Variants in CALU observed in about 807,000 individuals in gnomAD.
CALU encodes IEF SSP 9302.
In CALU, 13 loss-of-function variants were observed where a neutral mutation model predicts 37.5. The ratio of observed to expected loss-of-function variants is 0.35; its 90% confidence interval spans 0.23 to 0.55. The LOEUF (loss-of-function observed/expected upper bound fraction) is 0.55. CALU is among the 20% of genes least tolerant of loss of function. The pLI is 0.89. For missense variants in CALU, 282 were observed against 391.7 expected, an observed-to-expected ratio of 0.72 and a Z score of 2.36; for synonymous variants, 114 against 133.8, an observed-to-expected ratio of 0.85 and a Z score of 1.02.
chr7:128,773,095 G>A lies in CALU; in HGVS notation c.*3928G>A, dbSNP rs1453410563. ...CTTAGGGTTTGGTGTTTATTAGCTC[G>A]GATTTCAGATGGGATAGGAAATCCC... is the stretch of plus-strand genomic sequence containing the variant. On this transcript the variant is annotated 3_prime_UTR_variant, in exon 7 of 7. Transcript: ENST00000249364. 6.6e-6 allele frequency among the ~76,000 whole-genome samples: 1 copy of A among 152,124 alleles called. No homozygotes were observed. The highest frequency in any genetic ancestry group is 1.9e-4 in the East Asian group (1 of 5,186).
chr7:128,747,686 G>A (rs1429809828), intron 1 of CALU: 1 of 151,862 alleles, frequency 6.6e-6, no homozygotes, highest in Admixed American at 6.6e-5. Context: ...ATAGTATCAC[G>A]GGGTATCAGT....
chr7:128,758,483 A>G (rs1800978252), intron 3 of CALU, among the ~76,000 whole-genome samples: 1 of 152,254 alleles, frequency 6.6e-6, no homozygotes, highest in African/African-American at 2.4e-5. Context: ...CATTTTACAG[A>G]TAAAAGAGAC....
rs181426001 is a variant in CALU, at chr7:128,742,747, G to A, written c.-12+3315G>A. On this transcript the variant is annotated intron_variant, in intron 1 of 6. Transcript: ENST00000249364. ...ATGGATCGAAGAAACCAATTCTTAA[G>A]ACTCATTATTATTAAAATCACACTT... Among the ~76,000 whole-genome samples the A allele has an allele frequency of 3.5e-3, 540 of 152,270 alleles. 3 individuals carry two copies. The highest frequency in any genetic ancestry group is 6.8e-3 in the Middle Eastern group (2 of 294).
rs558488693 is a variant in CALU at position 128,768,925 on chromosome 7, G to A, written c.844-138G>A. 8.2e-4 allele frequency: 461 copies of A among 562,868 alleles called. 2 individuals carry two copies. The highest frequency in any genetic ancestry group is 3.3e-3 in the South Asian group (163 of 49,148). The allele number at this position is 562,868 out of a possible 1,614,324, so 34.9% of individuals were successfully genotyped here. A position where few individuals can be genotyped will look rare whatever the true frequency, so the allele number is the denominator to read the frequency against. On this transcript the variant is annotated intron_variant, in intron 6 of 6. Coordinates refer to ENST00000249364, the MANE Select transcript of CALU (RefSeq NM_001219.5). ...CTTCGTATGTATGTAGGGGGAATGA[G>A]GGCTGAGTAGTTCACACTTAATTTA... is the stretch of plus-strand genomic sequence containing the variant.
intron 3 of CALU, among the ~76,000 whole-genome samples, chr7:128,757,461 G>A (rs1272674406): frequency 6.6e-6 from 1 of 151,704 alleles, no homozygotes; most frequent in African/African-American, 2.4e-5. Flanking sequence ...AATAAAAAAT[G>A]AAGCTTCAAA....
intron 1 of CALU, chr7:128,748,342 A>T: frequency 6.7e-7 from 1 of 1,489,252 alleles, no homozygotes; most frequent in Non-Finnish European, 9.0e-7. Context: ...GTTTCTTATC[A>T]GCCTACAATC....
At chr7:128,768,845 C>A (rs569728898) in intron 6 of CALU, among the ~76,000 whole-genome samples, 24 of 31,812 alleles carry the variant, frequency 7.5e-4, no homozygotes, top group Non-Finnish European at 1.2e-3. Flanking sequence ...GAAACTCCGT[C>A]TCAAAAAAAA....
intron 5 of CALU, among the ~76,000 whole-genome samples, chr7:128,767,209 A>G (rs1801370039): frequency 6.6e-6 from 1 of 152,194 alleles, no homozygotes; most frequent in Non-Finnish European, 1.5e-5. Flanking sequence ...TGCATTTATT[A>G]AGGTATAAGA....
chr7:128,767,420 C>T (rs1182546155), intron 5 of CALU, 36 bp from the exon 6 acceptor site: 1 of 1,537,434 alleles, frequency 6.5e-7, no homozygotes, highest in Non-Finnish European at 9.0e-7. Flanking sequence ...GGGGAAAAGA[C>T]AAACCCTTCT....
rs372734856 is a variant in CALU at position 128,754,347 on chromosome 7, C to G, written c.307C>G (p.Arg103Gly). The G allele has an allele frequency of 6.2e-7, 1 of 1,613,992 alleles. No individual in the cohort carries two copies. The highest frequency in any genetic ancestry group is 8.5e-7 in the Non-Finnish European group (1 of 1,179,900). Residue 103 changes from arginine to glycine, a missense_variant, in exon 3 of 7, where the codon CGC becomes GGC. Coordinates refer to ENST00000249364, the MANE Select transcript of CALU (RefSeq NM_001219.5). Reference protein sequence around the residue: ...LKDWIKFAQKRWIYEDVERQW... With the variant: ...LKDWIKFAQKGWIYEDVERQW... Reference sequence around the variant, plus strand: ...AGACTGGATTAAATTTGCACAAAAGCGCTGGATTTACGAGGATGTAGAGCG... The same window carrying G: ...AGACTGGATTAAATTTGCACAAAAGGGCTGGATTTACGAGGATGTAGAGCG...
rs558515552 is a variant in CALU, at chr7:128,749,166, G to T, written c.221+362G>T. ...TTTTAAAAACTATCTGTGCCCTACT[G>T]ACCTGGCACAAGCCAAGTCTTTGAT... On this transcript the variant is annotated intron_variant, in intron 2 of 6. Coordinates refer to ENST00000249364, the MANE Select transcript of CALU (RefSeq NM_001219.5). Among the ~76,000 whole-genome samples the T allele has an allele frequency of 5.3e-5, 8 of 152,282 alleles. No homozygotes were observed. In the South Asian group the frequency reaches 1.7e-3, roughly 32 times the overall value.
intron 2 of CALU, among the ~76,000 whole-genome samples, chr7:128,752,750 T>C (rs944749928): frequency 6.6e-6 from 1 of 152,188 alleles, no homozygotes; most frequent in Admixed American, 6.5e-5. Context: ...AGTGGCGCGA[T>C]CTCAACTCAT....
At chr7:128,747,416 GC>G (rs1800489193) in intron 1 of CALU, 1 of 152,124 alleles carries the variant, frequency 6.6e-6, no homozygotes, top group South Asian at 2.1e-4. Flanking sequence ...TGAGACTGGG[GC>G]ACTTGGGAAT....
At chr7:128,740,861 A>T (rs528665094) in intron 1 of CALU, among the ~76,000 whole-genome samples, 61 of 152,366 alleles carry the variant, frequency 4.0e-4, no homozygotes, top group African/African-American at 1.4e-3. Flanking sequence ...AATATCCATT[A>T]GAGCAGTATT....
At chr7:128,759,700 A>G (rs1801026492) in intron 4 of CALU, 92 bp from the exon 5 acceptor site, 1 of 734,874 alleles carries the variant, frequency 1.4e-6, no homozygotes, top group South Asian at 1.4e-5. Context: ...TGTTTAATGA[A>G]TAATAAATGT....
At chr7:128,765,932 A>G (rs1172576214) in intron 5 of CALU, among the ~76,000 whole-genome samples, 1 of 152,184 alleles carries the variant, frequency 6.6e-6, no homozygotes, top group Non-Finnish European at 1.5e-5. Context: ...CATGCCAGAA[A>G]TCATGTAATC....
intron 5 of CALU, among the ~76,000 whole-genome samples, chr7:128,766,667 G>T (rs1220117116): frequency 6.6e-6 from 1 of 151,806 alleles, no homozygotes; most frequent in Non-Finnish European, 1.5e-5. Context: ...GACCTCAGGT[G>T]ATCTGGTCTC....
chr7:128,772,036 CAT>C lies in CALU; in HGVS notation c.*2872_*2873del, dbSNP rs1801587998. On this transcript the variant is annotated 3_prime_UTR_variant, in exon 7 of 7. Transcript: ENST00000249364. ...AGTTATCCAAAAGTTCTTTCAAACT[CAT>C]ATTTGGGGCCACTGAGTTTTTTTTG... is the stretch of plus-strand genomic sequence containing the variant. Among the ~76,000 whole-genome samples the C allele has an allele frequency of 1.3e-5, 2 of 150,718 alleles. No homozygotes were observed. The highest frequency in any genetic ancestry group is 4.9e-5 in the African/African-American group (2 of 41,008).
intron 2 of CALU, 44 bp from the exon 3 acceptor site, chr7:128,754,218 G>C: frequency 6.8e-7 from 1 of 1,480,120 alleles, no homozygotes; most frequent in Non-Finnish European, 9.3e-7. Flanking sequence ...CCAGAGTTCT[G>C]TGTCTTTTTA....
Sources: allele counts gnomAD v4.1 joint callset (sites outside exome capture counted in the v4.1 genomes callset), GRCh38; gene constraint gnomAD v4.1.1; transcripts MANE v1.5; gene names NCBI Gene and HGNC (gene_info 2026-07-23, HGNC 2026-07-21).